The following MBD5 variants were observed in gnomAD, a reference collection of about 807,000 sequenced individuals.
MBD5 encodes methyl-CpG-binding domain protein 5.
In MBD5, 13 loss-of-function variants were observed where a neutral mutation model predicts 117.3. The observed-to-expected ratio is 0.11, with a 90% CI of 0.07 to 0.18. The LOEUF is 0.18. Ranked by LOEUF, MBD5 falls within the 10% of genes least tolerant of loss-of-function variation. MBD5 has a pLI of 1.00. For missense variants in MBD5, 1,879 were observed against 2,093.8 expected (o/e 0.90, Z 2.00); for synonymous variants, 727 against 766.4 (o/e 0.95, Z 0.85).
rs70995314 is a variant in MBD5 at position 148,389,251 on chromosome 2, C to CAT, written c.-557+46967_-557+46968dup. 6.1e-3 allele frequency among the ~76,000 whole-genome samples: 197 copies of CAT among 32,132 alleles called. 1 individual carries two copies. The highest frequency in any genetic ancestry group is 0.019 in the Middle Eastern group (1 of 52). 21.1% of individuals were successfully genotyped at this position (32,132 alleles called of 152,430 possible). On this transcript the variant is annotated intron_variant, in intron 4 of 13. Coordinates refer to ENST00000642680, the MANE Select transcript of MBD5 (RefSeq NM_001378120.1). The stretch of plus-strand genomic sequence containing the variant: ...ATGTGATATAAATAGGAAAAAAAAA[C>CAT]ATATATATATATATATATATATATA...
chr2:148,253,190 A>T (rs1700506062), intron 3 of MBD5, among the ~76,000 whole-genome samples: 3 of 152,202 alleles, frequency 2.0e-5, no homozygotes. Flanking sequence ...TTGTAACACC[A>T]TCATCTTCAC....
intron 3 of MBD5, among the ~76,000 whole-genome samples, chr2:148,317,166 T>A (rs1702174890): frequency 6.6e-6 from 1 of 152,086 alleles, no homozygotes; most frequent in African/African-American, 2.4e-5. Flanking sequence ...CTGACCAATA[T>A]GGAGAAACCC....
chr2:148,117,859 T>C (rs1004025583), intron 1 of MBD5, among the ~76,000 whole-genome samples: 1 of 152,208 alleles, frequency 6.6e-6, no homozygotes, highest in African/African-American at 2.4e-5. Context: ...TTAGGTTACT[T>C]GCTCAAGGTC....
chr2:148,437,572 T>G (rs1706191143), intron 4 of MBD5, among the ~76,000 whole-genome samples: 1 of 152,184 alleles, frequency 6.6e-6, no homozygotes, highest in Non-Finnish European at 1.5e-5. Flanking sequence ...AGACTTTTAT[T>G]TACACTTTGA....
intron 3 of MBD5, among the ~76,000 whole-genome samples, chr2:148,234,223 T>A (rs894376057): frequency 1.3e-5 from 2 of 152,168 alleles, no homozygotes; most frequent in Non-Finnish European, 2.9e-5. Flanking sequence ...TGAAATGTAA[T>A]CTTTCAAGGG....
intron 2 of MBD5, among the ~76,000 whole-genome samples, chr2:148,209,090 AATAG>A (rs1451862199): frequency 6.6e-6 from 1 of 152,190 alleles, no homozygotes; most frequent in Non-Finnish European, 1.5e-5. Context: ...TTTTACCATG[AATAG>A]ATAGTTTTTA....
At chr2:148,390,569 A>G (rs868822186) in intron 4 of MBD5, among the ~76,000 whole-genome samples, 2,997 of 150,350 alleles carry the variant, frequency 0.02, 84 homozygotes, top group African/African-American at 0.067. Flanking sequence ...GTGTGTATAT[A>G]TATATATATA....
intron 2 of MBD5, among the ~76,000 whole-genome samples, chr2:148,221,210 A>G (rs1699677682): frequency 6.6e-6 from 1 of 152,094 alleles, no homozygotes; most frequent in South Asian, 2.1e-4. Flanking sequence ...AATTTTGGCT[A>G]TTGTGAACAG....
intron 4 of MBD5, among the ~76,000 whole-genome samples, chr2:148,389,799 A>G (rs576118849): frequency 6.6e-6 from 1 of 151,804 alleles, no homozygotes; most frequent in South Asian, 2.1e-4. Flanking sequence ...TTTCTTGTTG[A>G]TTTGTTTAAC....
intron 3 of MBD5, among the ~76,000 whole-genome samples, chr2:148,308,371 T>C (rs1701944461): frequency 6.6e-6 from 1 of 152,216 alleles, no homozygotes; most frequent in South Asian, 2.1e-4. Flanking sequence ...TGGTTTTGAT[T>C]TACATTTCTC....
At chr2:148,338,895 T>A (rs1702868919) in intron 3 of MBD5, among the ~76,000 whole-genome samples, 1 of 152,310 alleles carries the variant, frequency 6.6e-6, no homozygotes, top group Admixed American at 6.5e-5. Flanking sequence ...AACTGAATTG[T>A]ATGAGTTCTG....
chr2:148,505,375 A>G (rs933237661), intron 12 of MBD5, among the ~76,000 whole-genome samples: 6 of 152,194 alleles, frequency 3.9e-5, no homozygotes, highest in African/African-American at 1.2e-4. Flanking sequence ...ACTTTGACCA[A>G]TTTGAAGAAT....
Position 148,377,844 on chromosome 2 carries a change from A to G in MBD5, c.-557+35508A>G, listed in dbSNP as rs555333798. On this transcript the variant is annotated intron_variant, in intron 4 of 13. Coordinates refer to ENST00000642680, the MANE Select transcript of MBD5 (RefSeq NM_001378120.1). ...AAACCTACAAGAAGGTAAAGAAGAGAAGGATAGTAGTTCATACTTTGAATT... is the reference window on the plus strand; with the variant it reads ...AAACCTACAAGAAGGTAAAGAAGAGGAGGATAGTAGTTCATACTTTGAATT... Among the ~76,000 whole-genome samples, 22 of 152,314 alleles carry G rather than the reference A, an allele frequency of 1.4e-4. 1 individual carries two copies. In the East Asian group the frequency reaches 4.2e-3, roughly 29 times the overall value.
At chr2:148,432,883 G>GT (rs1213681202) in intron 4 of MBD5, among the ~76,000 whole-genome samples, 1 of 152,062 alleles carries the variant, frequency 6.6e-6, no homozygotes, top group African/African-American at 2.4e-5. Context: ...TTTTAAAATA[G>GT]TTTTTCTAAT....
chr2:148,120,162 C>T (rs1574034930), intron 1 of MBD5, among the ~76,000 whole-genome samples: 1 of 152,264 alleles, frequency 6.6e-6, no homozygotes, highest in South Asian at 2.1e-4. Flanking sequence ...AATCCTTTTG[C>T]GTCGGCCTCC....
At chr2:148,086,424 G>T (rs1189741440) in intron 1 of MBD5, among the ~76,000 whole-genome samples, 1 of 151,970 alleles carries the variant, frequency 6.6e-6, no homozygotes, top group East Asian at 1.9e-4. Context: ...TTTACATGGT[G>T]GTTATGCATG....
At chr2:148,426,329 A>C (rs2105306165) in intron 4 of MBD5, among the ~76,000 whole-genome samples, 1 of 152,308 alleles carries the variant, frequency 6.6e-6, no homozygotes, top group East Asian at 1.9e-4. Flanking sequence ...ACCAAAAAAG[A>C]GCCCGCATCG....
chr2:148,102,069 A>T (rs998447454), intron 1 of MBD5, among the ~76,000 whole-genome samples: 1 of 152,166 alleles, frequency 6.6e-6, no homozygotes, highest in Non-Finnish European at 1.5e-5. Context: ...ATTGAAAGGA[A>T]ATTTTTTAAA....
At chr2:148,215,931 A>G (rs1365450631) in intron 2 of MBD5, among the ~76,000 whole-genome samples, 2 of 152,182 alleles carry the variant, frequency 1.3e-5, no homozygotes, top group Admixed American at 6.5e-5. Context: ...AACAAATGCA[A>G]GCTTTATTTG....
Sources: gnomAD v4.1 joint callset for allele counts (sites outside exome capture counted in the v4.1 genomes callset) on GRCh38, gnomAD v4.1.1 for gene constraint, MANE v1.5 for transcripts, NCBI Gene and HGNC (gene_info 2026-07-23, HGNC 2026-07-21) for gene names.